ANKRD40: variants seen among roughly 807,000 people sequenced by gnomAD.
The protein encoded by ANKRD40 is ankyrin repeat domain 40.
A neutral mutation model predicts 35.5 loss-of-function variants in ANKRD40; 24 were observed. That is an observed-to-expected ratio of 0.68 (90% confidence interval 0.49 to 0.95). The LOEUF is 0.95. ANKRD40 is among the 40% of genes least tolerant of loss of function. The pLI is 0.00. For missense variants in ANKRD40, 361 were observed against 436.0 expected, an observed-to-expected ratio of 0.83 and a Z score of 1.53; for synonymous variants, 147 against 173.5, an observed-to-expected ratio of 0.85 and a Z score of 1.20.
intron 1 of ANKRD40, among the ~76,000 whole-genome samples, chr17:50,705,279 G>C (rs1358826712): frequency 6.6e-6 from 1 of 152,152 alleles, no homozygotes; most frequent in Non-Finnish European, 1.5e-5. Flanking sequence ...AGCTAGGCAG[G>C]AATGGAGGAG....
chr17:50,702,749 G>A (rs996249110), intron 1 of ANKRD40, among the ~76,000 whole-genome samples: 1 of 152,152 alleles, frequency 6.6e-6, no homozygotes, highest in African/African-American at 2.4e-5. Flanking sequence ...CCCATGTAAA[G>A]CAGGGTTAAG....
rs144144052 is a variant in ANKRD40, at chr17:50,706,352, C to A, written c.134+1169G>T. On this transcript the variant is annotated intron_variant, in intron 1 of 4. Transcript: ENST00000285243. ...GGCCAGGATGGTCTTGATCTCCTGA[C>A]CTCGTGATCCGCCCACCTCAGCCTC... Among the ~76,000 whole-genome samples the A allele has an allele frequency of 1.4e-3, 208 of 151,998 alleles. 5 individuals are homozygous for A. In the East Asian group the frequency reaches 0.037, roughly 27 times the overall value.
rs376088580 is a variant in ANKRD40, at chr17:50,700,606, T to C, written c.245A>G (p.Gln82Arg). Residue 82 changes from glutamine to arginine, a missense_variant, in exon 2 of 5, where the codon CAG becomes CGG. By Grantham distance (43) the Gln-to-Arg change is conservative. Transcript: ENST00000285243. ...ILTTKGEMPV[Q>R]LTSRREIRKI... ...CCTGATTTCTCTCCTTGATGTTAAC[T>C]GGACTGGCATTTCTCCTTTTGTGGT... 45 of 1,614,060 alleles carry C rather than the reference T, an allele frequency of 2.8e-5. No homozygotes were observed. The highest frequency in any genetic ancestry group is 3.8e-5 in the Non-Finnish European group (45 of 1,180,040).
Position 50,699,463 on chromosome 17 carries a change from A to G in ANKRD40, c.714T>C (p.Tyr238=). The G allele has an allele frequency of 6.2e-7, 1 of 1,614,254 alleles. No individual in the cohort carries two copies. The highest frequency in any genetic ancestry group is 1.3e-5 in the African/African-American group (1 of 75,058). The change falls in exon 3 of 5, where the codon TAT becomes TAC. Residue 238 remains tyrosine, a synonymous_variant. Transcript: ENST00000285243. ...PMSLEPQNGT[Y]AGPAPAFQPF... ...GCTGGAATGCTGGCGCTGGTCCTGC[A>G]TACGTCCCATTTTGAGGCTCCAGAG...
Position 50,699,805 on chromosome 17 carries a change from C to T in ANKRD40, c.372G>A (p.Leu124=). 1.3e-6 allele frequency: 2 copies of T among 1,577,554 alleles called. No individual in the cohort carries two copies. Among genetic ancestry groups the T allele is most frequent in the Middle Eastern group, 1.7e-4 (1 of 5,850 alleles). Reference sequence around the variant, plus strand: ...AGATAAAAGGGAAGGCTGGGTTGGCCAAATAGTTGGGAACAAAGGGCAGTT... The same window carrying T: ...AGATAAAAGGGAAGGCTGGGTTGGCTAAATAGTTGGGAACAAAGGGCAGTT... ...ESELPFVPNY[L]ANPAFPFIYT... is the part of the protein sequence containing the mutation. The change falls in exon 3 of 5, where the codon TTG becomes TTA. Residue 124 remains leucine (L), a synonymous_variant. Coordinates refer to ENST00000285243, the MANE Select transcript of ANKRD40 (RefSeq NM_052855.4).
chr17:50,695,942 G>T lies in ANKRD40; in HGVS notation c.*55C>A. The T allele has an allele frequency of 1.9e-6, 3 of 1,590,448 alleles. No individual in the cohort carries two copies. The highest frequency in any genetic ancestry group is 2.6e-6 in the Non-Finnish European group (3 of 1,165,866). On this transcript the variant is annotated 3_prime_UTR_variant, in exon 5 of 5. Transcript: ENST00000285243. ...GCATTTAGATCAATGGCTTGTCCTT[G>T]GCCCAGAGGTGATGCACACTGTCAT...
At chr17:50,705,660 CTTTTT>C (rs901114991) in intron 1 of ANKRD40, among the ~76,000 whole-genome samples, 1 of 127,178 alleles carries the variant, frequency 7.9e-6, no homozygotes, top group African/African-American at 3.0e-5. Context: ...GGAAGATAGA[CTTTTT>C]TTTTTTTTTT....
At position 50,699,473 on chromosome 17, in the gene ANKRD40, T is replaced by C. The variant is rs375557487; in HGVS notation, c.704A>G (p.Asn235Ser). The C allele has an allele frequency of 2.6e-5, 42 of 1,614,062 alleles. No individual in the cohort carries two copies. Among genetic ancestry groups the C allele is most frequent in the Non-Finnish European group, 3.5e-5 (41 of 1,180,036 alleles). Residue 235 changes from asparagine (N) to serine (S), a missense_variant, in exon 3 of 5, where the codon AAT (asparagine) becomes AGT (serine). Physicochemically the swap from Asn to Ser is conservative, Grantham distance 46. This residue lies in a region of ANKRD40 where 172 missense variants were observed against 174.0 expected (regional missense o/e 0.99). Coordinates refer to ENST00000285243, the MANE Select transcript of ANKRD40 (RefSeq NM_052855.4). ...TGGCGCTGGTCCTGCATACGTCCCATTTTGAGGCTCCAGAGACATTGGTGG... is the reference window on the plus strand; with the variant it reads ...TGGCGCTGGTCCTGCATACGTCCCACTTTGAGGCTCCAGAGACATTGGTGG... ...SKPPMSLEPQ[N>S]GTYAGPAPAF...
At chr17:50,697,379 A>T (rs1271312308) in intron 3 of ANKRD40, among the ~76,000 whole-genome samples, 1 of 152,168 alleles carries the variant, frequency 6.6e-6, no homozygotes, top group Admixed American at 6.5e-5. Flanking sequence ...GGCAGGGGAA[A>T]CCATTCCAGC....
intron 1 of ANKRD40, among the ~76,000 whole-genome samples, chr17:50,703,043 T>C: frequency 6.6e-6 from 1 of 152,220 alleles, no homozygotes; most frequent in East Asian, 1.9e-4. Context: ...ATTTCAGACC[T>C]GAGGCACTGG....
chr17:50,700,722 C>A lies in ANKRD40; in HGVS notation c.135-6G>T. 2 of 1,598,940 alleles carry A rather than the reference C, an allele frequency of 1.3e-6. No homozygotes were observed. Among genetic ancestry groups the A allele is most frequent in the Non-Finnish European group, 1.7e-6 (2 of 1,172,836 alleles). On this transcript the variant is annotated splice_region_variant and splice_polypyrimidine_tract_variant and intron_variant, in intron 1 of 4. Transcript: ENST00000285243. ...ATGCCCAGTGTAAACAAGTCCTGTA[C>A]CAAAGAAAATAATGATTGAAAAAGA...
chr17:50,704,931 G>A (rs1230179680), intron 1 of ANKRD40, among the ~76,000 whole-genome samples: 4 of 151,880 alleles, frequency 2.6e-5, no homozygotes, highest in Non-Finnish European at 4.4e-5. Flanking sequence ...TGGCTAACAC[G>A]GTGAAACCCC....
At chr17:50,697,332 C>T (rs750788301) in intron 3 of ANKRD40, among the ~76,000 whole-genome samples, 1 of 152,186 alleles carries the variant, frequency 6.6e-6, no homozygotes, top group Non-Finnish European at 1.5e-5. Context: ...CACTGTCGTC[C>T]GTACTTCTAA....
intron 1 of ANKRD40, among the ~76,000 whole-genome samples, chr17:50,705,360 T>C (rs1968319643): frequency 6.6e-6 from 1 of 151,606 alleles, no homozygotes; most frequent in African/African-American, 2.4e-5. Context: ...ATTCACAGCT[T>C]TGAACCAGAG....
Position 50,700,649 on chromosome 17 carries a change from C to A in ANKRD40, c.202G>T (p.Ala68Ser). The A allele has an allele frequency of 1.2e-6, 2 of 1,614,058 alleles. No homozygotes were observed. The highest frequency in any genetic ancestry group is 1.7e-6 in the Non-Finnish European group (2 of 1,180,004). The change falls in exon 2 of 5, where the codon GCT (alanine) becomes TCT (serine). Residue 68 changes from alanine to serine, a missense_variant. Transcript: ENST00000285243. ...TTTGTGGTAAGAATTTCTTTGTCAG[C>A]TCCTGATTTTAACAGGTAAGAGACC... The part of the protein sequence containing the change: ...QVVSYLLKSG[A>S]DKEILTTKGE...
At chr17:50,699,103 G>T (rs1454464522) in intron 3 of ANKRD40, among the ~76,000 whole-genome samples, 9 of 151,986 alleles carry the variant, frequency 5.9e-5, no homozygotes, top group Non-Finnish European at 1.3e-4. Flanking sequence ...AGGTTGCAGT[G>T]AGCCAAGATC....
rs1968180548 is a variant in ANKRD40 at position 50,695,033 on chromosome 17, G to A, written c.*964C>T. 1 of 152,088 alleles carries A rather than the reference G, an allele frequency of 6.6e-6. No homozygotes were observed. The highest frequency in any genetic ancestry group is 1.5e-5 in the Non-Finnish European group (1 of 68,026). The allele number at this position is 152,088 out of a possible 1,614,324, so 9.4% of individuals were successfully genotyped here. ...CAGCAATATTTGTGCTCTTCTCATAGGATGCAGTTACACACACATATGACT... is the reference window on the plus strand; with the variant it reads ...CAGCAATATTTGTGCTCTTCTCATAAGATGCAGTTACACACACATATGACT... On this transcript the variant is annotated 3_prime_UTR_variant, in exon 5 of 5. Transcript: ENST00000285243.
At chr17:50,705,627 G>A (rs1259636557) in intron 1 of ANKRD40, among the ~76,000 whole-genome samples, 1 of 151,530 alleles carries the variant, frequency 6.6e-6, no homozygotes, top group Non-Finnish European at 1.5e-5. Flanking sequence ...GGGATTACAG[G>A]CGTGAGCCAC....
In ANKRD40 at chr17:50,694,000, C is replaced by G. The variant is rs1175280232; in HGVS notation, c.*1997G>C. 6.6e-6 allele frequency: 1 copy of G among 151,896 alleles called. No individual in the cohort carries two copies. The allele number at this position is 151,896 out of a possible 1,614,324, so 9.4% of individuals were successfully genotyped here. A position where few individuals can be genotyped will look rare whatever the true frequency, so the allele number is the denominator to read the frequency against. Reference sequence around the variant, plus strand: ...CAGAAATTAGCTGGGCATGGTGGCACATGCTTGTAATCCCAGCTACTTGGG... The same window carrying G: ...CAGAAATTAGCTGGGCATGGTGGCAGATGCTTGTAATCCCAGCTACTTGGG... On this transcript the variant is annotated 3_prime_UTR_variant, in exon 5 of 5. Transcript: ENST00000285243.
Sources: allele counts gnomAD v4.1 joint callset (sites outside exome capture counted in the v4.1 genomes callset), GRCh38; gene constraint gnomAD v4.1.1; regional missense constraint gnomAD v4.1.1; transcripts MANE v1.5; gene names NCBI Gene and HGNC (gene_info 2026-07-23, HGNC 2026-07-21).